Variants in MLLT10 observed in about 807,000 individuals in gnomAD.
MLLT10 encodes MLLT10 histone lysine methyltransferase DOT1L cofactor.
In MLLT10, 30 loss-of-function variants were observed where a neutral mutation model predicts 129.1. The observed-to-expected ratio is 0.23, with a 90% CI of 0.17 to 0.32. MLLT10 has a LOEUF of 0.32. Among genes scored for constraint, MLLT10 ranks in the 10% least tolerant of loss-of-function variants. MLLT10 has a pLI of 1.00. For synonymous variants in MLLT10, 490 were observed against 446.4 expected (o/e 1.10, Z -1.23); for missense variants, 1,119 against 1,268.3 (o/e 0.88, Z 1.79).
chr10:21,596,600 T>C (rs1314180804), intron 5 of MLLT10, among the ~76,000 whole-genome samples: 2 of 151,834 alleles, frequency 1.3e-5, no homozygotes, highest in East Asian at 3.8e-4. Context: ...AGGTACACTG[T>C]GTTACCCTTA....
intron 19 of MLLT10, 58 bp from the exon 20 acceptor site, chr10:21,733,706 CTTCT>C (rs2058133000): frequency 6.5e-7 from 1 of 1,534,240 alleles, no homozygotes; most frequent in East Asian, 2.3e-5. Context: ...CTTAGTTTCT[CTTCT>C]TTCTTACGCT....
intron 5 of MLLT10, among the ~76,000 whole-genome samples, chr10:21,603,755 T>C (rs2043786687): frequency 6.6e-6 from 1 of 152,128 alleles, no homozygotes; most frequent in South Asian, 2.1e-4. Flanking sequence ...TTGAGAACTC[T>C]TAAGGGAAAT....
chr10:21,694,230 A>G (rs1007100931), intron 13 of MLLT10, among the ~76,000 whole-genome samples: 4 of 152,340 alleles, frequency 2.6e-5, no homozygotes, highest in Admixed American at 1.3e-4. Flanking sequence ...CAGAAAATTA[A>G]CACTGCTATA....
intron 3 of MLLT10, among the ~76,000 whole-genome samples, chr10:21,541,627 C>T (rs187222404): frequency 7.2e-5 from 11 of 152,148 alleles, no homozygotes; most frequent in African/African-American, 2.4e-4. Context: ...CTCAGGTGAT[C>T]TGCCTGCTTT....
At chr10:21,681,449 C>A in intron 12 of MLLT10, 73 bp downstream of exon 12, 1 of 977,290 alleles carries the variant, frequency 1.0e-6, no homozygotes, top group Non-Finnish European at 1.6e-6. Flanking sequence ...TGTTATGCCA[C>A]CTCGGAACCT....
intron 3 of MLLT10, among the ~76,000 whole-genome samples, chr10:21,555,981 C>CT (rs997585625): frequency 5.9e-4 from 84 of 142,726 alleles, no homozygotes; most frequent in East Asian, 1.0e-3. Flanking sequence ...GTGCACGGCC[C>CT]TTTTTTTTTT....
intron 3 of MLLT10, among the ~76,000 whole-genome samples, chr10:21,557,343 C>T (rs1011185208): frequency 5.9e-5 from 9 of 152,260 alleles, no homozygotes; most frequent in Middle Eastern, 3.4e-3. Context: ...AAAAGATCCA[C>T]GTACAAGAAG....
rs184505875 is a variant in MLLT10 at position 21,620,985 on chromosome 10, G to A, written c.699+3778G>A. ...GGCGTGAGCCACCATACCCTGCCAA[G>A]AATTTTTTTTTTTTCCTGAGACGGA... On this transcript the variant is annotated intron_variant, in intron 8 of 22. Transcript: ENST00000307729. Among the ~76,000 whole-genome samples the A allele has an allele frequency of 7.4e-3, 1,100 of 148,864 alleles. 6 individuals are homozygous for A. The highest frequency in any genetic ancestry group is 0.012 in the Non-Finnish European group (797 of 67,266).
intron 8 of MLLT10, among the ~76,000 whole-genome samples, chr10:21,640,938 CT>C (rs1352324180): frequency 1.3e-5 from 2 of 152,180 alleles, no homozygotes; most frequent in Non-Finnish European, 2.9e-5. Flanking sequence ...TTGTGACTGC[CT>C]TCTTTAAAAT....
At chr10:21,662,832 G>A (rs1050532175) in intron 9 of MLLT10, among the ~76,000 whole-genome samples, 1 of 152,176 alleles carries the variant, frequency 6.6e-6, no homozygotes, top group Non-Finnish European at 1.5e-5. Context: ...TGGGGAACAG[G>A]AGATCTTATA....
Position 21,534,316 on chromosome 10 carries a change from C to CA in MLLT10, c.-205_-204insA, listed in dbSNP as rs1554774979. On this transcript the variant is annotated 5_prime_UTR_variant, in exon 1 of 23. Transcript: ENST00000307729. ...CCTGGCCCAGCGGGAGCCCCCCCTC[C>CA]CCCCAGTGCGCCTGTGCGGAGGCCC... 3.0e-5 allele frequency: 12 copies of CA among 394,422 alleles called. No individual in the cohort carries two copies. The highest frequency in any genetic ancestry group is 5.4e-5 in the Non-Finnish European group (12 of 222,288). The allele number at this position is 394,422 out of a possible 1,614,324, so 24.4% of individuals were successfully genotyped here.
At chr10:21,709,404 G>A (rs1207890634) in intron 13 of MLLT10, among the ~76,000 whole-genome samples, 1 of 152,094 alleles carries the variant, frequency 6.6e-6, no homozygotes, top group Non-Finnish European at 1.5e-5. Context: ...GCTAAGTTTT[G>A]TATTTTTAGT....
At chr10:21,704,953 A>G (rs972553872) in intron 13 of MLLT10, among the ~76,000 whole-genome samples, 2 of 152,122 alleles carry the variant, frequency 1.3e-5, no homozygotes, top group Admixed American at 6.5e-5. Context: ...TCGTGGACCA[A>G]GCATGCCTCA....
At chr10:21,576,629 C>G (rs1285822992) in intron 3 of MLLT10, among the ~76,000 whole-genome samples, 1 of 149,800 alleles carries the variant, frequency 6.7e-6, no homozygotes, top group Non-Finnish European at 1.5e-5. Context: ...TGCTAATACA[C>G]AATTTTTTTT....
At chr10:21,590,788 T>G (rs1393576215) in intron 4 of MLLT10, among the ~76,000 whole-genome samples, 1 of 152,200 alleles carries the variant, frequency 6.6e-6, no homozygotes, top group Non-Finnish European at 1.5e-5. Context: ...ATTGTTCAGT[T>G]TTATTGACCT....
intron 3 of MLLT10, among the ~76,000 whole-genome samples, chr10:21,567,591 C>T (rs1486479158): frequency 6.6e-6 from 1 of 152,114 alleles, no homozygotes; most frequent in African/African-American, 2.4e-5. Flanking sequence ...CAATCCCCTG[C>T]TTAATTTTCT....
chr10:21,701,879 G>A (rs1018323006), intron 13 of MLLT10, among the ~76,000 whole-genome samples: 4 of 151,762 alleles, frequency 2.6e-5, no homozygotes, highest in African/African-American at 7.3e-5. Flanking sequence ...GTGAGCCACC[G>A]CACCTGGTTA....
intron 11 of MLLT10, among the ~76,000 whole-genome samples, chr10:21,675,481 A>G (rs952430311): frequency 1.3e-5 from 2 of 152,194 alleles, no homozygotes; most frequent in Admixed American, 6.5e-5. Flanking sequence ...GAGGCTCACT[A>G]TTTTAGAGGG....
chr10:21,631,746 C>G (rs767423866), intron 8 of MLLT10, among the ~76,000 whole-genome samples: 21 of 152,208 alleles, frequency 1.4e-4, no homozygotes, highest in Non-Finnish European at 2.8e-4. Flanking sequence ...AGGAGAACAG[C>G]AAGGGGGAAG....
Sources: allele counts gnomAD v4.1 joint callset (sites outside exome capture counted in the v4.1 genomes callset), GRCh38; gene constraint gnomAD v4.1.1; transcripts MANE v1.5; gene names NCBI Gene and HGNC (gene_info 2026-07-23, HGNC 2026-07-21).